Variants in CABIN1 observed in about 807,000 individuals in gnomAD.
CABIN1 encodes the protein calcineurin-binding protein cabin-1.
Under a neutral mutation model 227.7 loss-of-function variants are expected in CABIN1, and 133 were observed. The observed-to-expected ratio is 0.58, with a 90% CI of 0.51 to 0.67. CABIN1 has a LOEUF of 0.67. Among genes scored for constraint, CABIN1 ranks in the 30% least tolerant of loss-of-function variants. The pLI is 0.00. For synonymous variants in CABIN1, 1,086 were observed against 1,155.1 expected, an observed-to-expected ratio of 0.94 and a Z score of 1.21; for missense variants, 2,408 against 2,852.5, an observed-to-expected ratio of 0.84 and a Z score of 3.55.
chr22:24,068,506 G>C (rs1015241512), intron 16 of CABIN1, among the ~76,000 whole-genome samples: 1 of 152,266 alleles, frequency 6.6e-6, no homozygotes, highest in African/African-American at 2.4e-5. Context: ...GGGAGGAACT[G>C]CTGCTTGGGC....
At position 24,031,381 on chromosome 22, in the gene CABIN1, G is replaced by A. The variant is rs907893404; in HGVS notation, c.-74-4063G>A. ...GCTCCACGCTAGTCAAGCTATTGTC[G>A]CCATTTTATATACAAGGACACCAAG... On this transcript the variant is annotated intron_variant, in intron 1 of 36. Transcript: ENST00000263119. Among the ~76,000 whole-genome samples, 12 of 152,146 alleles carry A rather than the reference G, an allele frequency of 7.9e-5. No individual in the cohort carries two copies. In the East Asian group the frequency reaches 1.7e-3, roughly 22 times the overall value.
At chr22:24,016,954 T>G (rs980172570) in intron 1 of CABIN1, among the ~76,000 whole-genome samples, 9 of 152,114 alleles carry the variant, frequency 5.9e-5, no homozygotes, top group African/African-American at 2.2e-4. Context: ...GTATTTTTTC[T>G]CCATTTGTCT....
chr22:24,092,265 T>C (rs916009399), intron 24 of CABIN1, among the ~76,000 whole-genome samples: 2 of 152,252 alleles, frequency 1.3e-5, no homozygotes. Flanking sequence ...CTACCCAGGT[T>C]GGCAGGGGCT....
chr22:24,044,597 T>C (rs1191587244), intron 6 of CABIN1, among the ~76,000 whole-genome samples: 1 of 152,242 alleles, frequency 6.6e-6, no homozygotes, highest in African/African-American at 2.4e-5. Flanking sequence ...CATTTCACTA[T>C]AAGCAGTCAG....
chr22:24,064,539 G>A (rs1276421403), intron 15 of CABIN1, among the ~76,000 whole-genome samples: 1 of 50,778 alleles, frequency 2.0e-5, no homozygotes, highest in Non-Finnish European at 4.0e-5. Flanking sequence ...TTTTTTTATT[G>A]ATCATTCTTG....
chr22:24,087,966 T>C (rs1311391088), intron 23 of CABIN1, among the ~76,000 whole-genome samples: 1 of 152,152 alleles, frequency 6.6e-6, no homozygotes, highest in African/African-American at 2.4e-5. Context: ...AGCCATTAGT[T>C]ATAGTGTAGT....
Position 24,059,306 on chromosome 22 carries a change from T to G in CABIN1, c.1342T>G (p.Phe448Val). The part of the protein sequence containing the change: ...EVQSEAKLES[F>V]PSIGPQRLSF... ...CCAGTCAGAAGCCAAACTGGAAAGCTTCCCAAGCATTGGGCCTCAAAGGCT... is the reference window on the plus strand; with the variant it reads ...CCAGTCAGAAGCCAAACTGGAAAGCGTCCCAAGCATTGGGCCTCAAAGGCT... The change falls in exon 11 of 37, where the codon TTC (phenylalanine) becomes GTC (valine). Residue 448 changes from phenylalanine to valine, a missense_variant. Physicochemically the swap from Phe to Val is conservative, Grantham distance 50. Around this residue, in one of 3 missense-constraint regions of CABIN1, gnomAD observed 1,045 missense variants for 1,168.4 expected, o/e 0.89. Coordinates refer to ENST00000263119, the MANE Select transcript of CABIN1 (RefSeq NM_012295.4). The G allele has an allele frequency of 6.2e-7, 1 of 1,614,218 alleles. No homozygotes were observed. The highest frequency in any genetic ancestry group is 1.3e-5 in the African/African-American group (1 of 75,060).
chr22:24,124,981 A>T (rs963057153), intron 28 of CABIN1, among the ~76,000 whole-genome samples: 3 of 152,222 alleles, frequency 2.0e-5, no homozygotes, highest in African/African-American at 7.2e-5. Flanking sequence ...TCAAAACAGT[A>T]TGGAATATTA....
At chr22:24,066,417 G>T (rs1016953134) in intron 15 of CABIN1, among the ~76,000 whole-genome samples, 12 of 152,256 alleles carry the variant, frequency 7.9e-5, no homozygotes, top group Non-Finnish European at 1.5e-5. Context: ...TATATGCCAA[G>T]TTCCACCCAG....
intron 29 of CABIN1, among the ~76,000 whole-genome samples, chr22:24,148,821 G>A (rs182984620): frequency 1.2e-4 from 19 of 152,354 alleles, no homozygotes; most frequent in Middle Eastern, 6.8e-3. Flanking sequence ...TGAGCAGGCC[G>A]GGTGTGAGCC....
intron 34 of CABIN1, 91 bp from the exon 35 acceptor site, chr22:24,176,020 C>T: frequency 6.9e-7 from 1 of 1,439,794 alleles, no homozygotes; most frequent in Non-Finnish European, 9.6e-7. Flanking sequence ...TGTCCCAGGG[C>T]ACAACCTGGG....
At chr22:24,112,859 T>G (rs1277124400) in intron 26 of CABIN1, among the ~76,000 whole-genome samples, 1 of 152,152 alleles carries the variant, frequency 6.6e-6, no homozygotes, top group Non-Finnish European at 1.5e-5. Flanking sequence ...AGGCTTCTGT[T>G]CCTCCAGGTA....
chr22:24,037,259 C>CAAAAAA (rs71184942), intron 3 of CABIN1, among the ~76,000 whole-genome samples: 4 of 52,558 alleles, frequency 7.6e-5, no homozygotes, highest in Admixed American at 2.1e-4. Context: ...GACCCCGTCT[C>CAAAAAA]AAAAAAAAAA....
intron 33 of CABIN1, chr22:24,170,089 A>C (rs780713073): frequency 4.4e-6 from 2 of 453,852 alleles, no homozygotes; most frequent in Admixed American, 4.7e-5. Context: ...GGCAGGGAGG[A>C]GGCCCTAATG....
intron 29 of CABIN1, among the ~76,000 whole-genome samples, chr22:24,149,261 G>A (rs2148452769): frequency 1.3e-5 from 2 of 152,360 alleles, no homozygotes; most frequent in Middle Eastern, 6.8e-3. Flanking sequence ...GAGTGGCTTT[G>A]AGCAAGCTGG....
chr22:24,085,409 C>T (rs9624398), intron 22 of CABIN1, among the ~76,000 whole-genome samples: 6 of 152,232 alleles, frequency 3.9e-5, no homozygotes, highest in Non-Finnish European at 7.3e-5. Flanking sequence ...AGAGAAGGTA[C>T]GAAGTGTCCA....
chr22:24,120,785 C>T (rs186617376), intron 28 of CABIN1, among the ~76,000 whole-genome samples: 2 of 152,222 alleles, frequency 1.3e-5, no homozygotes, highest in East Asian at 3.9e-4. Flanking sequence ...TGCACTTCAG[C>T]CTGGGCAACA....
At position 24,136,524 on chromosome 22, in the gene CABIN1, A is replaced by ATTTTTTTTTTTTTTTTT. The variant is rs145864566; in HGVS notation, c.4746+2117_4746+2133dup. 4.9e-4 allele frequency among the ~76,000 whole-genome samples: 34 copies of ATTTTTTTTTTTTTTTTT among 69,874 alleles called. 3 individuals are homozygous for ATTTTTTTTTTTTTTTTT. Among genetic ancestry groups the ATTTTTTTTTTTTTTTTT allele is most frequent in the Non-Finnish European group, 6.0e-4 (22 of 36,772 alleles). The allele number at this position is 69,874 out of a possible 152,430, so 45.8% of individuals were successfully genotyped here. On this transcript the variant is annotated intron_variant, in intron 29 of 36. Coordinates refer to ENST00000263119, the MANE Select transcript of CABIN1 (RefSeq NM_012295.4). ...ACTGCCACGCCCAGCTAATTTTTGT[A>ATTTTTTTTTTTTTTTTT]TTTTTTTTTTTTTTTTTTTTTTTTA...
intron 26 of CABIN1, among the ~76,000 whole-genome samples, chr22:24,112,559 T>G (rs2042866691): frequency 6.6e-6 from 1 of 152,124 alleles, no homozygotes; most frequent in South Asian, 2.1e-4. Flanking sequence ...CTCCCTTGCT[T>G]GTTACTCAGT....
Sources: allele counts gnomAD v4.1 joint callset (sites outside exome capture counted in the v4.1 genomes callset), GRCh38; gene constraint gnomAD v4.1.1; regional missense constraint gnomAD v4.1.1; transcripts MANE v1.5; gene names NCBI Gene and HGNC (gene_info 2026-07-23, HGNC 2026-07-21).